Variants in PPP2R5E observed in about 807,000 individuals in gnomAD.
The protein encoded by PPP2R5E is protein phosphatase 2 regulatory subunit B'epsilon.
In PPP2R5E, 4 loss-of-function variants were observed where a neutral mutation model predicts 65.3. The ratio of observed to expected loss-of-function variants is 0.06; its 90% CI spans 0.03 to 0.14. The LOEUF is 0.14. Ranked by LOEUF, PPP2R5E falls within the 10% of genes least tolerant of loss-of-function variation. The pLI is 1.00. For synonymous variants in PPP2R5E, 183 were observed against 187.4 expected, an observed-to-expected ratio of 0.98 and a Z score of 0.19; for missense variants, 274 against 556.1, an observed-to-expected ratio of 0.49 and a Z score of 5.10.
chr14:63,500,566 A>T (rs1891822165), intron 2 of PPP2R5E, among the ~76,000 whole-genome samples: 1 of 152,222 alleles, frequency 6.6e-6, no homozygotes, highest in Non-Finnish European at 1.5e-5. Flanking sequence ...CCATAAATGA[A>T]CCAATTAGAA....
At chr14:63,484,962 C>T (rs1003356799) in intron 2 of PPP2R5E, among the ~76,000 whole-genome samples, 1 of 152,090 alleles carries the variant, frequency 6.6e-6, no homozygotes, top group African/African-American at 2.4e-5. Flanking sequence ...AGGAACAATG[C>T]AACAGCACTC....
intron 2 of PPP2R5E, among the ~76,000 whole-genome samples, chr14:63,506,177 G>A (rs535750090): frequency 3.3e-5 from 5 of 152,238 alleles, no homozygotes; most frequent in East Asian, 3.9e-4. Context: ...TTGGCCGGGC[G>A]CAGTGGCTCA....
At chr14:63,396,842 C>T (rs61995001) in intron 5 of PPP2R5E, 126 bp from the exon 6 acceptor site, 23,838 of 1,166,466 alleles carry the variant, frequency 0.02, 307 homozygotes, top group Middle Eastern at 0.066. Flanking sequence ...ATGTGCCAAG[C>T]ACAGTGCTAG....
At chr14:63,384,414 G>C in intron 12 of PPP2R5E, 30 bp downstream of exon 12, 1 of 1,598,554 alleles carries the variant, frequency 6.3e-7, no homozygotes, top group Non-Finnish European at 8.6e-7. Flanking sequence ...AAGGGAGGAA[G>C]AGAACGGAGG....
intron 3 of PPP2R5E, among the ~76,000 whole-genome samples, chr14:63,430,357 A>ACATACATACATACATACATG (rs1887576592): frequency 7.8e-6 from 1 of 128,182 alleles, no homozygotes; most frequent in African/African-American, 3.8e-5. Flanking sequence ...ATACATACAT[A>ACATACATACATACATACATG]CATACATACA....
intron 3 of PPP2R5E, among the ~76,000 whole-genome samples, chr14:63,431,346 G>C (rs1217349027): frequency 2.0e-5 from 3 of 151,544 alleles, no homozygotes; most frequent in Non-Finnish European, 4.4e-5. Flanking sequence ...CAATTTCCTA[G>C]AATAAGCCAT....
rs1403566457 is a variant in PPP2R5E, at chr14:63,376,172, AT to A, written c.1305-65del. On this transcript the variant is annotated intron_variant, in intron 13 of 13. Transcript: ENST00000337537. ...TTAATGAGATTATGCAACAATGAATATTTTACAATTTCACCTTAACACTCCT... is the reference window on the plus strand; with the variant it reads ...TTAATGAGATTATGCAACAATGAATATTTACAATTTCACCTTAACACTCCT... 3.4e-6 allele frequency: 4 copies of A among 1,185,592 alleles called. No homozygotes were observed. The Admixed American group carries it at 5.6e-5, about 17-fold the overall frequency. The allele number at this position is 1,185,592 out of a possible 1,614,324, so 73.4% of individuals were successfully genotyped here. A position where few individuals can be genotyped will look rare whatever the true frequency, so the allele number is the denominator to read the frequency against.
chr14:63,439,788 G>A (rs143695125), intron 3 of PPP2R5E, among the ~76,000 whole-genome samples: 448 of 152,272 alleles, frequency 2.9e-3, no homozygotes, highest in Non-Finnish European at 5.0e-3. Flanking sequence ...GGAGATGGAG[G>A]GATGTTTGAA....
intron 3 of PPP2R5E, among the ~76,000 whole-genome samples, chr14:63,446,935 G>A (rs148234718): frequency 1.5e-4 from 23 of 152,184 alleles, no homozygotes; most frequent in African/African-American, 4.1e-4. Flanking sequence ...GTAATACTTT[G>A]GGGGAAAAGA....
chr14:63,424,550 G>C, intron 3 of PPP2R5E, among the ~76,000 whole-genome samples: 1 of 152,184 alleles, frequency 6.6e-6, no homozygotes, highest in East Asian at 1.9e-4. Context: ...AGGAGATTGA[G>C]ACCATCCTGG....
intron 2 of PPP2R5E, among the ~76,000 whole-genome samples, chr14:63,474,078 G>C (rs930553827): frequency 2.0e-5 from 3 of 152,192 alleles, no homozygotes; most frequent in African/African-American, 7.2e-5. Context: ...AAGAAACAGG[G>C]ACACCAGTTA....
At chr14:63,485,087 T>C (rs1890911191) in intron 2 of PPP2R5E, among the ~76,000 whole-genome samples, 1 of 152,120 alleles carries the variant, frequency 6.6e-6, no homozygotes, top group Non-Finnish European at 1.5e-5. Flanking sequence ...TTTTTACTTG[T>C]ATTGTTTTCA....
intron 2 of PPP2R5E, among the ~76,000 whole-genome samples, chr14:63,524,504 A>G (rs1349197638): frequency 6.6e-6 from 1 of 152,168 alleles, no homozygotes; most frequent in African/African-American, 2.4e-5. Context: ...AACTCACCTC[A>G]GTTCATAAAG....
intron 4 of PPP2R5E, among the ~76,000 whole-genome samples, chr14:63,417,049 G>T (rs948481006): frequency 3.9e-5 from 6 of 152,128 alleles, no homozygotes; most frequent in Non-Finnish European, 5.9e-5. Context: ...TGATATCAAT[G>T]AACTTTTCAT....
At chr14:63,494,229 C>CATTT (rs1224111037) in intron 2 of PPP2R5E, among the ~76,000 whole-genome samples, 30 of 151,990 alleles carry the variant, frequency 2.0e-4, no homozygotes, top group South Asian at 6.2e-4. Flanking sequence ...ACTGTACCGC[C>CATTT]ATTTATTTAT....
chr14:63,522,261 G>T (rs1429967372), intron 2 of PPP2R5E, among the ~76,000 whole-genome samples: 1 of 152,100 alleles, frequency 6.6e-6, no homozygotes, highest in Non-Finnish European at 1.5e-5. Flanking sequence ...TGTTGCCCAG[G>T]CTGGAGTGCA....
At chr14:63,460,795 G>A (rs77519736) in intron 2 of PPP2R5E, among the ~76,000 whole-genome samples, 1 of 152,266 alleles carries the variant, frequency 6.6e-6, no homozygotes, top group African/African-American at 2.4e-5. Flanking sequence ...AACTAGTATG[G>A]CTTCAAGCAG....
chr14:63,415,084 A>G, intron 5 of PPP2R5E, 56 bp downstream of exon 5: 1 of 1,275,334 alleles, frequency 7.8e-7, no homozygotes, highest in South Asian at 1.3e-5. Flanking sequence ...TGAAGAGAAA[A>G]TGAGATAAAG....
chr14:63,374,509 A>G lies in PPP2R5E; in HGVS notation c.*1500T>C, dbSNP rs1566656885. The G allele has an allele frequency of 1.3e-5, 2 of 151,642 alleles. No individual in the cohort carries two copies. Among genetic ancestry groups the G allele is most frequent in the Admixed American group, 6.6e-5 (1 of 15,214 alleles). The allele number at this position is 151,642 out of a possible 1,614,324, so 9.4% of individuals were successfully genotyped here. On this transcript the variant is annotated 3_prime_UTR_variant, in exon 14 of 14. Transcript: ENST00000337537. ...ATCCTGGAAATAAACCTCCAAACAC[A>G]TATCTTTCAGTACGTAATAATGCAA...
Sources: gnomAD v4.1 joint callset for allele counts (sites outside exome capture counted in the v4.1 genomes callset) on GRCh38, gnomAD v4.1.1 for gene constraint, MANE v1.5 for transcripts, NCBI Gene and HGNC (gene_info 2026-07-23, HGNC 2026-07-21) for gene names.